The following PLEKHG4B variants were observed in gnomAD, a reference collection of about 807,000 sequenced individuals.
PLEKHG4B encodes the protein pleckstrin homology domain-containing family G member 4B.
In PLEKHG4B, 111 loss-of-function variants were observed where a neutral mutation model predicts 121.3. The observed-to-expected ratio is 0.92, with a 90% CI of 0.78 to 1.07. The LOEUF (loss-of-function observed/expected upper bound fraction) is 1.07. Ranked by LOEUF, PLEKHG4B falls within the 50% of genes least tolerant of loss-of-function variation. The pLI, the probability that PLEKHG4B is intolerant of heterozygous loss-of-function variation, is 0.00. For missense variants in PLEKHG4B, 1,831 were observed against 1,757.8 expected (o/e 1.04, Z -0.74); for synonymous variants, 738 against 725.0 (o/e 1.02, Z -0.29).
intron 7 of PLEKHG4B, 49 bp downstream of exon 7, chr5:151,648 T>G: frequency 1.6e-6 from 2 of 1,232,238 alleles, no homozygotes; most frequent in Non-Finnish European, 2.3e-6. Context: ...AATTAAACAT[T>G]AAGGCACCTA....
At chr5:158,124 CTG>C (rs1735853852) in intron 11 of PLEKHG4B, among the ~76,000 whole-genome samples, 1 of 152,184 alleles carries the variant, frequency 6.6e-6, no homozygotes, top group Non-Finnish European at 1.5e-5. Flanking sequence ...TGTCTCCAGT[CTG>C]TGCCCTCTGT....
At chr5:169,997 C>A (rs1001060960) in intron 14 of PLEKHG4B, among the ~76,000 whole-genome samples, 4 of 152,188 alleles carry the variant, frequency 2.6e-5, no homozygotes, top group African/African-American at 7.2e-5. Flanking sequence ...CCATTACCTG[C>A]CAGAGGGACC....
rs142824791 is a variant in PLEKHG4B at position 155,361 on chromosome 5, C to T, written c.2126C>T (p.Ala709Val). The T allele has an allele frequency of 1.3e-4, 202 of 1,614,152 alleles. No homozygotes were observed. In the African/African-American group the frequency reaches 2.2e-3, roughly 17 times the overall value. Residue 709 changes from alanine to valine, a missense_variant, in exon 9 of 20, where the codon GCT (alanine) becomes GTT (valine). Physicochemically the swap from Ala to Val is moderately conservative, Grantham distance 64. Coordinates refer to ENST00000637938, the MANE Select transcript of PLEKHG4B (RefSeq NM_052909.5). Reference sequence around the variant, plus strand: ...TCACAACAGAGGCTGGAACACTTCGCTGCAAACTGTGAAGAAGCCATCATT... The same window carrying T: ...TCACAACAGAGGCTGGAACACTTCGTTGCAAACTGTGAAGAAGCCATCATT... Reference protein sequence around the residue: ...ICFRQRLEHFAANCEEAIIFL... With the variant: ...ICFRQRLEHFVANCEEAIIFL...
At chr5:128,833 C>G (rs1484274535) in intron 2 of PLEKHG4B, among the ~76,000 whole-genome samples, 1 of 152,124 alleles carries the variant, frequency 6.6e-6, no homozygotes, top group East Asian at 1.9e-4. Context: ...AGTCCCCCAC[C>G]AACTGAACAG....
At chr5:144,738 A>G (rs1735346659) in intron 5 of PLEKHG4B, 89 bp from the exon 6 acceptor site, 3 of 1,133,560 alleles carry the variant, frequency 2.6e-6, no homozygotes. Flanking sequence ...AAAGGAAACC[A>G]GTAACAACTA....
At chr5:172,845 C>A in intron 16 of PLEKHG4B, 52 bp from the exon 17 acceptor site, 3 of 1,600,454 alleles carry the variant, frequency 1.9e-6, no homozygotes, top group South Asian at 2.2e-5. Context: ...ACCTGTGCCA[C>A]CACAGACGCC....
At chr5:126,788 T>A (rs1205178152) in intron 2 of PLEKHG4B, among the ~76,000 whole-genome samples, 1 of 151,998 alleles carries the variant, frequency 6.6e-6, no homozygotes, top group Non-Finnish European at 1.5e-5. Context: ...GGAGGTTTAA[T>A]AGGCAAAAGA....
intron 2 of PLEKHG4B, among the ~76,000 whole-genome samples, chr5:131,026 G>A (rs765545793): frequency 4.6e-5 from 7 of 151,986 alleles, no homozygotes; most frequent in Non-Finnish European, 8.8e-5. Flanking sequence ...GAATAGTCTT[G>A]TCATAGTTCA....
intron 14 of PLEKHG4B, 64 bp downstream of exon 14, chr5:169,656 G>A (rs559383476): frequency 3.4e-5 from 54 of 1,584,860 alleles, no homozygotes; most frequent in East Asian, 8.9e-5. Flanking sequence ...TCAGAGAGGC[G>A]GGGCCTACAG....
At chr5:162,062 C>T (rs944216581) in intron 12 of PLEKHG4B, 118 bp downstream of exon 12, 9 of 1,318,000 alleles carry the variant, frequency 6.8e-6, no homozygotes, top group Non-Finnish European at 9.1e-6. Flanking sequence ...AGGCCGGGCA[C>T]CTGCGATGGA....
At chr5:142,486 TCACA>T (rs368864795) in intron 3 of PLEKHG4B, among the ~76,000 whole-genome samples, 1 of 148,770 alleles carries the variant, frequency 6.7e-6, no homozygotes, top group East Asian at 2.0e-4. Flanking sequence ...GTTACACATA[TCACA>T]CACGCAGTCA....
intron 1 of PLEKHG4B, among the ~76,000 whole-genome samples, chr5:99,359 C>T (rs2126332037): frequency 6.6e-6 from 1 of 151,594 alleles, no homozygotes; most frequent in African/African-American, 2.4e-5. Flanking sequence ...CATGTTAAGC[C>T]TCCCAATTCA....
At chr5:164,161 C>T (rs1264468985) in intron 13 of PLEKHG4B, among the ~76,000 whole-genome samples, 1 of 152,256 alleles carries the variant, frequency 6.6e-6, no homozygotes, top group East Asian at 1.9e-4. Flanking sequence ...GTGTCTTGGG[C>T]CAGCAATCCC....
intron 7 of PLEKHG4B, among the ~76,000 whole-genome samples, chr5:152,629 C>T (rs55677259): frequency 0.029 from 4,374 of 152,222 alleles, 213 homozygotes; most frequent in African/African-American, 0.099. Context: ...TTTTTCCTCT[C>T]TAGTCTTCAT....
chr5:120,547 G>C (rs923025359), intron 2 of PLEKHG4B, among the ~76,000 whole-genome samples: 1 of 152,174 alleles, frequency 6.6e-6, no homozygotes, highest in Non-Finnish European at 1.5e-5. Flanking sequence ...GAAAGGTGGA[G>C]AGAGATCTCA....
chr5:136,423 A>G (rs1734985997), intron 2 of PLEKHG4B, among the ~76,000 whole-genome samples: 1 of 152,216 alleles, frequency 6.6e-6, no homozygotes, highest in South Asian at 2.1e-4. Flanking sequence ...TGTGTATCTC[A>G]TAAGGGATTA....
intron 2 of PLEKHG4B, among the ~76,000 whole-genome samples, chr5:115,660 C>T (rs1734283461): frequency 6.6e-6 from 1 of 152,234 alleles, no homozygotes; most frequent in African/African-American, 2.4e-5. Context: ...GCAGCTTCTC[C>T]ATCAGTACCT....
chr5:164,532 CA>C lies in PLEKHG4B; in HGVS notation c.3476+985del, dbSNP rs1488665861. Among the ~76,000 whole-genome samples the C allele has an allele frequency of 3.8e-4, 21 of 55,834 alleles. 1 individual carries two copies. The highest frequency in any genetic ancestry group is 6.1e-4 in the Non-Finnish European group (18 of 29,462). 36.6% of individuals were successfully genotyped at this position (55,834 alleles called of 152,430 possible). A position where few individuals can be genotyped will look rare whatever the true frequency, so the allele number is the denominator to read the frequency against. ...CGGAGCTCACACAGTAATGCTGTGA[CA>C]GGGGGCGGAGCTCACACAGTAATGC... is the stretch of plus-strand genomic sequence containing the variant. On this transcript the variant is annotated intron_variant, in intron 13 of 19. Coordinates refer to ENST00000637938, the MANE Select transcript of PLEKHG4B (RefSeq NM_052909.5).
intron 13 of PLEKHG4B, 154 bp from the exon 14 acceptor site, chr5:169,186 A>G (rs13167406): frequency 0.52 from 546,265 of 1,055,928 alleles, 148,793 homozygotes; most frequent in Non-Finnish European, 0.57. Context: ...AAGCTTTTTT[A>G]TCGTGCATCC....
Sources: gnomAD v4.1 joint callset for allele counts (sites outside exome capture counted in the v4.1 genomes callset) on GRCh38, gnomAD v4.1.1 for gene constraint, MANE v1.5 for transcripts, NCBI Gene and HGNC (gene_info 2026-07-23, HGNC 2026-07-21) for gene names.